GRID2: variants seen among roughly 807,000 people sequenced by gnomAD.
GRID2 encodes the protein glutamate ionotropic receptor delta type subunit 2.
Under a neutral mutation model 114.8 loss-of-function variants are expected in GRID2, and 33 were observed. The ratio of observed to expected loss-of-function variants is 0.29; its 90% CI spans 0.22 to 0.38. The LOEUF (loss-of-function observed/expected upper bound fraction) is 0.38, where lower values mean the gene tolerates loss of function less well. GRID2 is among the 10% of genes least tolerant of loss of function. The pLI, the probability that GRID2 is intolerant of heterozygous loss-of-function variation, is 1.00. For missense variants in GRID2, 1,184 were observed against 1,257.7 expected (o/e 0.94, Z 0.89); for synonymous variants, 505 against 449.9 (o/e 1.12, Z -1.55).
chr4:92,768,649 G>A (rs1449461074), intron 2 of GRID2, among the ~76,000 whole-genome samples: 1 of 152,146 alleles, frequency 6.6e-6, no homozygotes, highest in African/African-American at 2.4e-5. Flanking sequence ...GGCTGGGGAG[G>A]CCTCACAATC....
At chr4:92,841,027 G>C (rs189399882) in intron 2 of GRID2, among the ~76,000 whole-genome samples, 1 of 151,964 alleles carries the variant, frequency 6.6e-6, no homozygotes, top group Non-Finnish European at 1.5e-5. Flanking sequence ...TCCAAGATCT[G>C]CTCTGGTCTC....
At chr4:93,647,592 C>T (rs1364754528) in intron 14 of GRID2, among the ~76,000 whole-genome samples, 1 of 152,134 alleles carries the variant, frequency 6.6e-6, no homozygotes, top group East Asian at 1.9e-4. Context: ...GTCTCTTCAG[C>T]TTTATTAGTT....
chr4:93,508,464 G>A (rs1474591868), intron 12 of GRID2, among the ~76,000 whole-genome samples: 1 of 151,910 alleles, frequency 6.6e-6, no homozygotes, highest in African/African-American at 2.4e-5. Flanking sequence ...CAAAGGGCTG[G>A]GATTACAGGC....
intron 7 of GRID2, among the ~76,000 whole-genome samples, chr4:93,235,211 T>C (rs1199072440): frequency 6.6e-6 from 1 of 152,164 alleles, no homozygotes; most frequent in Non-Finnish European, 1.5e-5. Context: ...TATTTCTATA[T>C]CAAGTGGATG....
At chr4:92,702,796 T>C (rs1734747940) in intron 2 of GRID2, 1 of 152,118 alleles carries the variant, frequency 6.6e-6, no homozygotes, top group Non-Finnish European at 1.5e-5. Flanking sequence ...TATAGGTAGG[T>C]CACTAGCTTG....
chr4:93,096,381 C>A (rs1731228497), intron 3 of GRID2, among the ~76,000 whole-genome samples: 1 of 151,900 alleles, frequency 6.6e-6, no homozygotes, highest in East Asian at 1.9e-4. Context: ...CATTAACATA[C>A]AACATTAAGA....
chr4:93,215,013 T>C (rs2149480536), intron 5 of GRID2, among the ~76,000 whole-genome samples: 1 of 152,170 alleles, frequency 6.6e-6, no homozygotes, highest in South Asian at 2.1e-4. Flanking sequence ...GAATCTTTGT[T>C]TATAAACTGA....
intron 8 of GRID2, among the ~76,000 whole-genome samples, chr4:93,265,646 G>T (rs1750741583): frequency 6.6e-6 from 1 of 152,082 alleles, no homozygotes; most frequent in South Asian, 2.1e-4. Context: ...AAATAAATGT[G>T]ACCTATGCAT....
chr4:92,822,281 A>C lies in GRID2; in HGVS notation c.244+231995A>C, dbSNP rs1275260372. 8 of 592,708 alleles carry C rather than the reference A, an allele frequency of 1.3e-5. 1 individual carries two copies. Among genetic ancestry groups the C allele is most frequent in the South Asian group, 8.2e-5 (6 of 72,752 alleles). The allele number at this position is 592,708 out of a possible 1,614,324, so 36.7% of individuals were successfully genotyped here. A position where few individuals can be genotyped will look rare whatever the true frequency, so the allele number is the denominator to read the frequency against. ...CTTTGTTGAGATCGCATGGCATGGC[A>C]TGGCATGGCCAGCATTGCCTCCAGA... On this transcript the variant is annotated intron_variant, in intron 2 of 15. Transcript: ENST00000282020.
intron 2 of GRID2, among the ~76,000 whole-genome samples, chr4:92,960,780 C>G (rs1434166435): frequency 6.6e-6 from 1 of 151,620 alleles, no homozygotes; most frequent in African/African-American, 2.4e-5. Context: ...TTATGACTAT[C>G]TTCTATTTGT....
intron 8 of GRID2, among the ~76,000 whole-genome samples, chr4:93,355,256 A>T (rs1254436381): frequency 6.6e-6 from 1 of 151,916 alleles, no homozygotes; most frequent in African/African-American, 2.4e-5. Context: ...TGTGGGAGGA[A>T]TGGGCTCAGT....
intron 3 of GRID2, among the ~76,000 whole-genome samples, chr4:93,095,126 A>AT (rs1247402025): frequency 2.6e-5 from 4 of 151,512 alleles, no homozygotes; most frequent in South Asian, 2.1e-4. Context: ...ACCATTTTTA[A>AT]TTTTTTTTTA....
At chr4:93,562,316 T>C (rs1309364101) in intron 13 of GRID2, among the ~76,000 whole-genome samples, 2 of 152,046 alleles carry the variant, frequency 1.3e-5, no homozygotes, top group African/African-American at 2.4e-5. Flanking sequence ...AGATGTCATA[T>C]GCCTACTTAC....
intron 2 of GRID2, among the ~76,000 whole-genome samples, chr4:92,995,599 T>C (rs748550568): frequency 2.7e-4 from 41 of 152,116 alleles, no homozygotes; most frequent in Non-Finnish European, 5.0e-4. Flanking sequence ...AATACCAAAA[T>C]TTATATTGTA....
intron 2 of GRID2, among the ~76,000 whole-genome samples, chr4:92,616,725 T>C (rs570506700): frequency 1.3e-5 from 2 of 151,796 alleles, no homozygotes; most frequent in South Asian, 4.1e-4. Flanking sequence ...TACAGGGACA[T>C]TGAATTTCTT....
At chr4:93,752,578 G>A (rs996985062) in intron 14 of GRID2, among the ~76,000 whole-genome samples, 1 of 152,038 alleles carries the variant, frequency 6.6e-6, no homozygotes, top group Non-Finnish European at 1.5e-5. Context: ...CACTGTGTTA[G>A]CCAGGATGGT....
intron 4 of GRID2, among the ~76,000 whole-genome samples, chr4:93,183,673 TAAAGA>T (rs1417517443): frequency 6.6e-6 from 1 of 152,042 alleles, no homozygotes; most frequent in East Asian, 1.9e-4. Flanking sequence ...GAATTAAAAG[TAAAGA>T]AAAGGAAAAG....
chr4:93,329,852 C>G (rs1018914866), intron 8 of GRID2, among the ~76,000 whole-genome samples: 3 of 151,440 alleles, frequency 2.0e-5, no homozygotes, highest in Non-Finnish European at 4.4e-5. Flanking sequence ...ATAATCTTTA[C>G]AAACGTAGGA....
intron 14 of GRID2, among the ~76,000 whole-genome samples, chr4:93,754,744 G>T: frequency 6.6e-6 from 1 of 152,138 alleles, no homozygotes; most frequent in East Asian, 1.9e-4. Context: ...TGCCTACTTA[G>T]CTGGGTTGCT....
Sources: allele counts gnomAD v4.1 joint callset (sites outside exome capture counted in the v4.1 genomes callset), GRCh38; gene constraint gnomAD v4.1.1; transcripts MANE v1.5; gene names NCBI Gene and HGNC (gene_info 2026-07-23, HGNC 2026-07-21).